Variants in SLC39A5 observed in about 807,000 individuals in gnomAD.
SLC39A5 encodes solute carrier family 39 member 5.
SLC39A5 carries 42 observed loss-of-function variants against 46.9 expected under a neutral mutation model. That is an observed-to-expected ratio of 0.90 (90% CI 0.70 to 1.16). The LOEUF is 1.16. Ranked by LOEUF, SLC39A5 falls within the 50% of genes most tolerant of loss-of-function variation. SLC39A5 has a pLI of 0.00. For synonymous variants in SLC39A5, 311 were observed against 323.1 expected (o/e 0.96, Z 0.40); for missense variants, 677 against 686.8 (o/e 0.99, Z 0.16).
chr12:56,236,701 C>G lies in SLC39A5; in HGVS notation c.1162C>G (p.Leu388Val). 6.2e-7 allele frequency: 1 copy of G among 1,612,106 alleles called. No individual in the cohort carries two copies. The highest frequency in any genetic ancestry group is 8.5e-7 in the Non-Finnish European group (1 of 1,178,744). Reference protein sequence around the residue: ...QGGTDITWMVLLGDGLHNLTD... With the variant: ...QGGTDITWMVVLGDGLHNLTD... Reference sequence around the variant, plus strand: ...TGGCACTGATATCACGTGGATGGTCCTCCTGGGAGATGGTCTACACAACCT... The same window carrying G: ...TGGCACTGATATCACGTGGATGGTCGTCCTGGGAGATGGTCTACACAACCT... The change falls in exon 10 of 13, where the codon CTC (leucine) becomes GTC (valine). Residue 388 changes from leucine (L) to valine (V), a missense_variant. Coordinates refer to ENST00000454355, the MANE Select transcript of SLC39A5 (RefSeq NM_173596.3).
At chr12:56,237,080 G>A in intron 11 of SLC39A5, 69 bp downstream of exon 11, 1 of 1,612,786 alleles carries the variant, frequency 6.2e-7, no homozygotes, top group Non-Finnish European at 8.5e-7. Context: ...AGAGCTTGGA[G>A]GCTGGTGGGT....
chr12:56,235,489 C>T lies in SLC39A5; in HGVS notation c.805-71C>T, dbSNP rs141854512. 7.9e-5 allele frequency: 123 copies of T among 1,560,682 alleles called. No individual in the cohort carries two copies. The African/African-American group carries it at 1.4e-3, about 18-fold the overall frequency. ...GTAGAGCATATGAGCGAAGGCTTGC[C>T]ACAATCCATGCAAGGGGATGTTGTT... On this transcript the variant is annotated intron_variant, in intron 7 of 12. Transcript: ENST00000454355.
At position 56,231,495 on chromosome 12, in the gene SLC39A5, G is replaced by C; in HGVS notation, c.221G>C (p.Arg74Pro). The change falls in exon 4 of 13, where the codon CGC becomes CCC. Residue 74 changes from arginine (R) to proline (P), a missense_variant. Physicochemically the swap from Arg to Pro is moderately radical, Grantham distance 103. Coordinates refer to ENST00000454355, the MANE Select transcript of SLC39A5 (RefSeq NM_173596.3). ...GGGCTAGGCCGAGTTCAGGGGCTTCGCCTGGGACAGCATGGGCCTCTGACT... is the reference window on the plus strand; with the variant it reads ...GGGCTAGGCCGAGTTCAGGGGCTTCCCCTGGGACAGCATGGGCCTCTGACT... Reference protein sequence around the residue: ...SLGLGRVQGLRLGQHGPLTGR... With the variant: ...SLGLGRVQGLPLGQHGPLTGR... The C allele has an allele frequency of 6.2e-7, 1 of 1,608,540 alleles. No individual in the cohort carries two copies. The highest frequency in any genetic ancestry group is 8.5e-7 in the Non-Finnish European group (1 of 1,176,950).
chr12:56,236,571 T>G lies in SLC39A5; in HGVS notation c.1043-11T>G, dbSNP rs1013054189. On this transcript the variant is annotated splice_polypyrimidine_tract_variant and intron_variant, in intron 9 of 12. Transcript: ENST00000454355. ...GCAGCCACCAACACTGTCCTGTGCT[T>G]CTTCCCGCAGAGCCAGGGGCTCAGG... 7 of 1,612,982 alleles carry G rather than the reference T, an allele frequency of 4.3e-6. No homozygotes were observed. Among genetic ancestry groups the G allele is most frequent in the Non-Finnish European group, 5.9e-6 (7 of 1,179,122 alleles).
chr12:56,233,332 C>T (rs1425567007), intron 5 of SLC39A5, among the ~76,000 whole-genome samples: 4 of 145,402 alleles, frequency 2.8e-5, no homozygotes, highest in Non-Finnish European at 4.5e-5. Flanking sequence ...TGCCTATAAT[C>T]CCAGTTACTC....
Position 56,235,596 on chromosome 12 carries a change from C to A in SLC39A5, c.841C>A (p.Pro281Thr). 6.2e-7 allele frequency: 1 copy of A among 1,614,162 alleles called. No individual in the cohort carries two copies. Among genetic ancestry groups the A allele is most frequent in the South Asian group, 1.1e-5 (1 of 91,086 alleles). The stretch of plus-strand genomic sequence containing the variant: ...GCGGCACGCAGGACCTGGCGGACTA[C>A]CAGAGAAGGACCTGGGCCCGGGGCT... ...EGRHAGPGGL[P>T]EKDLGPGLSV... The change falls in exon 8 of 13, where the codon CCA becomes ACA. Residue 281 changes from proline to threonine, a missense_variant. Transcript: ENST00000454355.
intron 6 of SLC39A5, 69 bp from the exon 7 acceptor site, chr12:56,235,088 C>A: frequency 6.4e-7 from 1 of 1,570,682 alleles, no homozygotes; most frequent in Non-Finnish European, 8.6e-7. Context: ...GTAGTGTTCT[C>A]TCTGCTCCAC....
Position 56,232,701 on chromosome 12 carries a change from T to C in SLC39A5, c.300T>C (p.Pro100=). ...TCATCCATTCCAGGCCACAGAACCCTGAGCTGAGTGTGGATGTCTGGGCAG... is the reference window on the plus strand; with the variant it reads ...TCATCCATTCCAGGCCACAGAACCCCGAGCTGAGTGTGGATGTCTGGGCAG... ...ADNSTHRPQN[P]ELSVDVWAGM... Residue 100 remains proline (P), a synonymous_variant, in exon 5 of 13, where the codon CCT becomes CCC. Transcript: ENST00000454355. 5 of 1,606,974 alleles carry C rather than the reference T, an allele frequency of 3.1e-6. No individual in the cohort carries two copies. The highest frequency in any genetic ancestry group is 4.2e-6 in the Non-Finnish European group (5 of 1,176,740).
At chr12:56,231,962 A>G (rs998360481) in intron 4 of SLC39A5, among the ~76,000 whole-genome samples, 1 of 151,588 alleles carries the variant, frequency 6.6e-6, no homozygotes, top group Admixed American at 6.6e-5. Flanking sequence ...TCCTGGGCTC[A>G]GCTCAGCGAT....
chr12:56,235,627 T>C lies in SLC39A5; in HGVS notation c.872T>C (p.Val291Ala). The C allele has an allele frequency of 6.2e-7, 1 of 1,614,126 alleles. No individual in the cohort carries two copies. Among genetic ancestry groups the C allele is most frequent in the Non-Finnish European group, 8.5e-7 (1 of 1,180,016 alleles). The change falls in exon 8 of 13, where the codon GTG (valine) becomes GCG (alanine). Residue 291 changes from valine to alanine, a missense_variant. By Grantham distance (64) the Val-to-Ala change is moderately conservative. Transcript: ENST00000454355. The stretch of plus-strand genomic sequence containing the variant: ...AAGGACCTGGGCCCGGGGCTGTCAG[T>C]GCTCGGAGGCCTCTTCCTGCTCTTT... ...PEKDLGPGLS[V>A]LGGLFLLFVL...
At chr12:56,235,791 T>A (rs1323182963) in intron 8 of SLC39A5, 91 bp downstream of exon 8, 2 of 1,553,876 alleles carry the variant, frequency 1.3e-6, no homozygotes, top group East Asian at 2.2e-5. Flanking sequence ...ACGCCTGTAA[T>A]CCCAGCACTT....
At chr12:56,232,952 T>G (rs1421514380) in intron 5 of SLC39A5, 80 bp downstream of exon 5, 1 of 1,439,608 alleles carries the variant, frequency 6.9e-7, no homozygotes, top group African/African-American at 1.5e-5. Context: ...TAGTTTTTTG[T>G]TTTGTTTTGT....
chr12:56,232,976 C>A, intron 5 of SLC39A5, 104 bp downstream of exon 5: 1 of 1,228,438 alleles, frequency 8.1e-7, no homozygotes, highest in Non-Finnish European at 1.1e-6. Flanking sequence ...TAAATCCCAA[C>A]GTGGACCAAG....
intron 4 of SLC39A5, among the ~76,000 whole-genome samples, chr12:56,232,327 G>A (rs543149701): frequency 6.6e-6 from 1 of 151,696 alleles, no homozygotes; most frequent in African/African-American, 2.4e-5. Context: ...CACCACGCCG[G>A]GCTAATTTTT....
intron 4 of SLC39A5, among the ~76,000 whole-genome samples, chr12:56,232,315 A>G (rs1870304235): frequency 6.6e-6 from 1 of 150,536 alleles, no homozygotes; most frequent in Admixed American, 6.6e-5. Flanking sequence ...ACAGGCACAC[A>G]CCACCACGCC....
At chr12:56,231,011 T>G (rs1308725786) in intron 3 of SLC39A5, 138 bp downstream of exon 3, 1 of 474,152 alleles carries the variant, frequency 2.1e-6, no homozygotes, top group Non-Finnish European at 3.7e-6. Flanking sequence ...AGGAGAGCTC[T>G]GACTCAGGGA....
rs762141282 is a variant in SLC39A5, at chr12:56,237,773, C to T, written c.*42C>T. The T allele has an allele frequency of 4.0e-6, 6 of 1,504,898 alleles. No individual in the cohort carries two copies. Among genetic ancestry groups the T allele is most frequent in the Non-Finnish European group, 5.3e-6 (6 of 1,129,578 alleles). 93.2% of individuals were successfully genotyped at this position (1,504,898 alleles called of 1,614,324 possible). A position where few individuals can be genotyped will look rare whatever the true frequency, so the allele number is the denominator to read the frequency against. On this transcript the variant is annotated 3_prime_UTR_variant, in exon 13 of 13. Coordinates refer to ENST00000454355, the MANE Select transcript of SLC39A5 (RefSeq NM_173596.3). ...GGGTCGGGTTGCCCTTCCTTCCCCC[C>T]AACCACAGGAATGGAGGCGGGACAC... is the stretch of plus-strand genomic sequence containing the variant.
In SLC39A5 at chr12:56,231,406, T is replaced by C. The variant is rs201783933; in HGVS notation, c.132T>C (p.Phe44=). 51 of 1,614,006 alleles carry C rather than the reference T, an allele frequency of 3.2e-5. No homozygotes were observed. The highest frequency in any genetic ancestry group is 3.7e-5 in the Non-Finnish European group (44 of 1,180,016). ...AGAACCATTACCTGGCCCAGCTGTT[T>C]GGCCTGTACGGCGAGAATGGGACGC... ...QEQNHYLAQL[F]GLYGENGTLT... is the part of the protein sequence containing the mutation. The change falls in exon 4 of 13, where the codon TTT becomes TTC. Residue 44 remains phenylalanine (F), a synonymous_variant. Transcript: ENST00000454355.
Position 56,237,495 on chromosome 12 carries a change from G to A in SLC39A5, c.1480-93G>A, listed in dbSNP as rs531965517. 2.5e-6 allele frequency: 4 copies of A among 1,585,720 alleles called. No homozygotes were observed. The East Asian group carries it at 8.9e-5, about 35-fold the overall frequency. The stretch of plus-strand genomic sequence containing the variant: ...TGAGAAACAAGGGACTAAGGTGTTT[G>A]GGTGGGGGCTGCTGATGCTTTCTGA... On this transcript the variant is annotated intron_variant, in intron 12 of 12. Coordinates refer to ENST00000454355, the MANE Select transcript of SLC39A5 (RefSeq NM_173596.3).
Sources: allele counts gnomAD v4.1 joint callset (sites outside exome capture counted in the v4.1 genomes callset), GRCh38; gene constraint gnomAD v4.1.1; transcripts MANE v1.5; gene names NCBI Gene and HGNC (gene_info 2026-07-23, HGNC 2026-07-21).